Variants in CDH19 observed in about 807,000 individuals in gnomAD.
The protein encoded by CDH19 is cadherin-19.
A neutral mutation model predicts 64.2 loss-of-function variants in CDH19; 67 were observed. That is an observed-to-expected ratio of 1.04 (90% CI 0.86 to 1.28). The LOEUF is 1.28. Among genes scored for constraint, CDH19 ranks in the 50% most tolerant of loss-of-function variants. CDH19 has a pLI of 0.00. For missense variants in CDH19, 1,030 were observed against 929.0 expected (o/e 1.11, Z -1.41); for synonymous variants, 346 against 319.3 (o/e 1.08, Z -0.89).
At chr18:66,559,069 C>A (rs1198186467) in intron 3 of CDH19, among the ~76,000 whole-genome samples, 4 of 152,004 alleles carry the variant, frequency 2.6e-5, no homozygotes, top group Non-Finnish European at 5.9e-5. Flanking sequence ...CTAAAAACAA[C>A]CCACTCATCA....
intron 5 of CDH19, among the ~76,000 whole-genome samples, chr18:66,546,200 A>G (rs1376635756): frequency 1.3e-5 from 2 of 152,160 alleles, no homozygotes; most frequent in East Asian, 3.9e-4. Flanking sequence ...AGTCACTTCA[A>G]AGATTGCATT....
At chr18:66,571,021 C>T (rs114630372) in intron 2 of CDH19, among the ~76,000 whole-genome samples, 209 of 151,564 alleles carry the variant, frequency 1.4e-3, no homozygotes, top group African/African-American at 4.9e-3. Context: ...GCCAACTGTG[C>T]GTATTATTTA....
chr18:66,570,721 G>A (rs943675281), intron 2 of CDH19, among the ~76,000 whole-genome samples: 1 of 151,566 alleles, frequency 6.6e-6, no homozygotes, highest in Admixed American at 6.6e-5. Context: ...ATATGTCTCT[G>A]AAATGAAAAA....
intron 1 of CDH19, among the ~76,000 whole-genome samples, chr18:66,592,999 C>G (rs951242385): frequency 6.6e-6 from 1 of 151,714 alleles, no homozygotes; most frequent in South Asian, 2.1e-4. Flanking sequence ...TACATAATGG[C>G]TGTACTATTT....
chr18:66,535,787 G>A (rs1189082895), intron 7 of CDH19, among the ~76,000 whole-genome samples: 5 of 144,828 alleles, frequency 3.5e-5, no homozygotes, highest in Non-Finnish European at 1.5e-5. Flanking sequence ...ATACATATAT[G>A]TTTTATGCAT....
rs1162441674 is a variant in CDH19, at chr18:66,547,328, G to A, written c.776-2425C>T. 2.0e-5 allele frequency among the ~76,000 whole-genome samples: 3 copies of A among 152,064 alleles called. 1 individual carries two copies. The highest frequency in any genetic ancestry group is 6.5e-5 in the Admixed American group (1 of 15,270). ...AGGAAGGAAGAGGGTATGCGTGTGTGTGTATGTGTGTGTGCGTATGTATAT... is the reference window on the plus strand; with the variant it reads ...AGGAAGGAAGAGGGTATGCGTGTGTATGTATGTGTGTGTGCGTATGTATAT... On this transcript the variant is annotated intron_variant, in intron 5 of 11. Transcript: ENST00000262150.
intron 1 of CDH19, among the ~76,000 whole-genome samples, chr18:66,582,077 G>A (rs1265777593): frequency 6.6e-6 from 1 of 152,026 alleles, no homozygotes; most frequent in Non-Finnish European, 1.5e-5. Flanking sequence ...ATCTAACACT[G>A]TGACATCTAT....
intron 10 of CDH19, among the ~76,000 whole-genome samples, chr18:66,510,201 T>C (rs1331138015): frequency 1.3e-5 from 2 of 151,736 alleles, no homozygotes; most frequent in Non-Finnish European, 2.9e-5. Flanking sequence ...AGTAGGACAT[T>C]TCCCAAATCA....
chr18:66,562,103 G>T (rs954950507), intron 3 of CDH19, among the ~76,000 whole-genome samples: 6 of 151,964 alleles, frequency 3.9e-5, no homozygotes, highest in African/African-American at 1.4e-4. Context: ...CCAGTTTCGT[G>T]GAAGACAATT....
In CDH19 at chr18:66,572,207, C is replaced by G. The variant is rs1394766517; in HGVS notation, c.-3G>C. ...CGCAGCAGTAAATAACAGTTCATTG[C>G]GTTGACTCTTTTGATTCCAACTATT... On this transcript the variant is annotated 5_prime_UTR_variant, in exon 2 of 12. Transcript: ENST00000262150. 1 of 1,605,702 alleles carries G rather than the reference C, an allele frequency of 6.2e-7. No individual in the cohort carries two copies. The highest frequency in any genetic ancestry group is 8.5e-7 in the Non-Finnish European group (1 of 1,174,148).
chr18:66,511,090 C>A (rs944416010), intron 10 of CDH19, among the ~76,000 whole-genome samples: 2 of 151,844 alleles, frequency 1.3e-5, no homozygotes, highest in Admixed American at 6.6e-5. Context: ...TAGATTGATA[C>A]AAATTATTTA....
intron 9 of CDH19, among the ~76,000 whole-genome samples, chr18:66,515,095 C>A (rs1985675484): frequency 6.6e-6 from 1 of 151,354 alleles, no homozygotes; most frequent in Non-Finnish European, 1.5e-5. Context: ...CCTTGAAGTG[C>A]ACTTAATAAA....
In CDH19 at chr18:66,537,610, C is replaced by T. The variant is rs530816128; in HGVS notation, c.1215-2503G>A. 1.4e-4 allele frequency among the ~76,000 whole-genome samples: 21 copies of T among 152,144 alleles called. No individual in the cohort carries two copies. The South Asian group carries it at 4.3e-3, about 31-fold the overall frequency. On this transcript the variant is annotated intron_variant, in intron 7 of 11. Transcript: ENST00000262150. ...TCTCAAACATTTATCCACTAATTTT[C>T]AGTATCCATAGAGGAATAATGTTAA... is the stretch of plus-strand genomic sequence containing the variant.
intron 3 of CDH19, among the ~76,000 whole-genome samples, chr18:66,556,756 A>G (rs1259422177): frequency 2.0e-5 from 3 of 152,014 alleles, no homozygotes; most frequent in Non-Finnish European, 4.4e-5. Flanking sequence ...AAGAACCTGA[A>G]TAGATATTTC....
rs956071764 is a variant in CDH19 at position 66,505,314 on chromosome 18, A to C, written c.1829-12T>G. ...CAAAAAAATAAACCCTGATGAAGAA[A>C]GCACATCAGAATATCAATAAACAAT... is the stretch of plus-strand genomic sequence containing the variant. On this transcript the variant is annotated splice_polypyrimidine_tract_variant and intron_variant, in intron 11 of 11. Transcript: ENST00000262150. 1 of 1,526,358 alleles carries C rather than the reference A, an allele frequency of 6.6e-7. No homozygotes were observed. The highest frequency in any genetic ancestry group is 8.8e-7 in the Non-Finnish European group (1 of 1,141,254). The allele number at this position is 1,526,358 out of a possible 1,614,324, so 94.6% of individuals were successfully genotyped here.
In CDH19 at chr18:66,536,655, A is replaced by G. The variant is rs558163769; in HGVS notation, c.1215-1548T>C. 7.2e-5 allele frequency among the ~76,000 whole-genome samples: 11 copies of G among 151,844 alleles called. No homozygotes were observed. The East Asian group carries it at 2.1e-3, about 29-fold the overall frequency. ...ATTAATTAATTAAAACAGAAGTAAA[A>G]ATATATGTAGCCCCTCTAGGATGTG... On this transcript the variant is annotated intron_variant, in intron 7 of 11. Transcript: ENST00000262150.
chr18:66,585,722 G>C (rs1177392181), intron 1 of CDH19, among the ~76,000 whole-genome samples: 1 of 151,990 alleles, frequency 6.6e-6, no homozygotes, highest in African/African-American at 2.4e-5. Flanking sequence ...AAAAAGCTTT[G>C]TAAATGACTA....
At chr18:66,515,823 A>G (rs1168074678) in intron 9 of CDH19, among the ~76,000 whole-genome samples, 1 of 151,906 alleles carries the variant, frequency 6.6e-6, no homozygotes, top group Non-Finnish European at 1.5e-5. Context: ...TCTCATTAGT[A>G]TCTTAAATGT....
intron 1 of CDH19, among the ~76,000 whole-genome samples, chr18:66,588,728 T>A (rs893186460): frequency 6.6e-6 from 1 of 151,084 alleles, no homozygotes; most frequent in East Asian, 1.9e-4. Flanking sequence ...ACCAGAAATA[T>A]GTCATAGGGA....
Sources: gnomAD v4.1 joint callset for allele counts (sites outside exome capture counted in the v4.1 genomes callset) on GRCh38, gnomAD v4.1.1 for gene constraint, MANE v1.5 for transcripts, NCBI Gene and HGNC (gene_info 2026-07-23, HGNC 2026-07-21) for gene names.